Variants in ATXN1 observed in about 807,000 individuals in gnomAD.
ATXN1 encodes ataxin 1.
In ATXN1, 8 loss-of-function variants were observed where a neutral mutation model predicts 56.4. The observed-to-expected ratio is 0.14, with a 90% confidence interval of 0.08 to 0.26. The LOEUF (loss-of-function observed/expected upper bound fraction) is 0.26, where lower values mean the gene tolerates loss of function less well. Among genes scored for constraint, ATXN1 ranks in the 10% least tolerant of loss-of-function variants. The pLI is 1.00. For synonymous variants in ATXN1, 514 were observed against 494.6 expected, an observed-to-expected ratio of 1.04 and a Z score of -0.52; for missense variants, 987 against 1,106.5, an observed-to-expected ratio of 0.89 and a Z score of 1.53.
At chr6:16,442,487 A>T (rs988399974) in intron 6 of ATXN1, among the ~76,000 whole-genome samples, 7 of 151,420 alleles carry the variant, frequency 4.6e-5, no homozygotes, top group Admixed American at 2.0e-4. Flanking sequence ...TATAATGATT[A>T]AAAAAAAACA....
At chr6:16,379,245 T>C (rs1156314798) in intron 6 of ATXN1, among the ~76,000 whole-genome samples, 3 of 152,110 alleles carry the variant, frequency 2.0e-5, no homozygotes, top group Non-Finnish European at 4.4e-5. Context: ...TACAGCGGAC[T>C]TTGGGCACTT....
intron 7 of ATXN1, among the ~76,000 whole-genome samples, chr6:16,317,084 C>A (rs2113391199): frequency 6.6e-6 from 1 of 152,118 alleles, no homozygotes. Flanking sequence ...CTCGTTCTTG[C>A]AGCTGTGTTA....
chr6:16,327,274 T>G lies in ATXN1; in HGVS notation c.1037A>C (p.Lys346Thr). The G allele has an allele frequency of 6.2e-7, 1 of 1,613,384 alleles. No homozygotes were observed. The highest frequency in any genetic ancestry group is 8.5e-7 in the Non-Finnish European group (1 of 1,179,808). ...GTGAGGAACCGACTTGCCGCCTGCC[T>G]TGCCCAGGCCCAGGTCGGCTGAGGA... The part of the protein sequence containing the change: ...APSSADLGLG[K>T]AGGKSVPHPY... Residue 346 changes from lysine (K) to threonine (T), a missense_variant, in exon 7 of 8, where the codon AAG (lysine) becomes ACG (threonine). Physicochemically the swap from Lys to Thr is moderately conservative, Grantham distance 78. This residue lies in a region of ATXN1 where 723 missense variants were observed against 791.7 expected (regional missense o/e 0.91). Coordinates refer to ENST00000436367, the MANE Select transcript of ATXN1 (RefSeq NM_001128164.2).
At chr6:16,746,685 T>C (rs1760547440) in intron 2 of ATXN1, among the ~76,000 whole-genome samples, 1 of 152,162 alleles carries the variant, frequency 6.6e-6, no homozygotes, top group South Asian at 2.1e-4. Flanking sequence ...CTAATATAGA[T>C]GGGGTGATAA....
chr6:16,327,781 T>C lies in ATXN1; in HGVS notation c.530A>G (p.Tyr177Cys), dbSNP rs201684722. 1.2e-4 allele frequency: 201 copies of C among 1,610,022 alleles called. No homozygotes were observed. The highest frequency in any genetic ancestry group is 4.2e-4 in the Admixed American group (25 of 60,020). The change falls in exon 7 of 8, where the codon TAT becomes TGT. Residue 177 changes from tyrosine (Y) to cysteine (C), a missense_variant. Tyr to Cys is a radical substitution (Grantham distance 194). Around this residue, in one of 3 missense-constraint regions of ATXN1, gnomAD observed 723 missense variants for 791.7 expected, o/e 0.91. Coordinates refer to ENST00000436367, the MANE Select transcript of ATXN1 (RefSeq NM_001128164.2). ...TPSQRSQLEA[Y>C]STLLANMGSL... is the part of the protein sequence containing the mutation. ...GCCCATGTTGGCCAGCAGAGTGGAATAGGCCTCCAGCTGGGAGCGCTGGGA... is the reference window on the plus strand; with the variant it reads ...GCCCATGTTGGCCAGCAGAGTGGAACAGGCCTCCAGCTGGGAGCGCTGGGA...
At chr6:16,676,444 C>A (rs758725193) in intron 2 of ATXN1, among the ~76,000 whole-genome samples, 2 of 152,216 alleles carry the variant, frequency 1.3e-5, no homozygotes, top group Non-Finnish European at 2.9e-5. Flanking sequence ...GGTATTAGCA[C>A]TAGTTTCATA....
chr6:16,357,232 T>TTTTTA (rs143751686), intron 6 of ATXN1, among the ~76,000 whole-genome samples: 11 of 147,096 alleles, frequency 7.5e-5, no homozygotes, highest in South Asian at 4.2e-4. Flanking sequence ...ATTTTATTAT[T>TTTTTA]TTTTATTTTA....
intron 6 of ATXN1, among the ~76,000 whole-genome samples, chr6:16,422,061 T>C (rs1759048519): frequency 6.6e-6 from 1 of 152,154 alleles, no homozygotes; most frequent in African/African-American, 2.4e-5. Flanking sequence ...TTTTTTTTAT[T>C]TGCCTCTGTG....
intron 6 of ATXN1, among the ~76,000 whole-genome samples, chr6:16,392,777 T>C (rs891894834): frequency 9.2e-5 from 14 of 152,234 alleles, no homozygotes; most frequent in African/African-American, 3.1e-4. Flanking sequence ...ACTAGAGGCA[T>C]GAGCCATCGC....
intron 4 of ATXN1, among the ~76,000 whole-genome samples, chr6:16,528,729 A>G (rs1761441491): frequency 6.6e-6 from 1 of 152,186 alleles, no homozygotes; most frequent in African/African-American, 2.4e-5. Flanking sequence ...ACAGATGAGG[A>G]AAATAAGGCT....
At chr6:16,563,575 G>T (rs1176862172) in intron 4 of ATXN1, among the ~76,000 whole-genome samples, 2 of 152,218 alleles carry the variant, frequency 1.3e-5, no homozygotes, top group Non-Finnish European at 2.9e-5. Context: ...GGAAAGCAAG[G>T]GGGTCAGGAG....
At chr6:16,468,160 G>T (rs1760143983) in intron 6 of ATXN1, among the ~76,000 whole-genome samples, 2 of 152,028 alleles carry the variant, frequency 1.3e-5, no homozygotes, top group Non-Finnish European at 2.9e-5. Context: ...TTTGGTTTAG[G>T]ACTGGTTTTT....
At chr6:16,500,361 T>C (rs181782172) in intron 5 of ATXN1, among the ~76,000 whole-genome samples, 1 of 152,266 alleles carries the variant, frequency 6.6e-6, no homozygotes, top group African/African-American at 2.4e-5. Flanking sequence ...AACCCCACAG[T>C]CTGTATCATT....
chr6:16,618,100 C>T (rs553052815), intron 3 of ATXN1, among the ~76,000 whole-genome samples: 8 of 151,592 alleles, frequency 5.3e-5, no homozygotes, highest in Non-Finnish European at 1.2e-4. Context: ...AGAATGAGAT[C>T]ATGTCCTTTA....
chr6:16,314,239 C>T (rs1760462936), intron 7 of ATXN1, among the ~76,000 whole-genome samples: 1 of 152,158 alleles, frequency 6.6e-6, no homozygotes, highest in African/African-American at 2.4e-5. Flanking sequence ...AATCTTGTTG[C>T]ACACATCTCA....
At chr6:16,630,562 C>A (rs1763486939) in intron 3 of ATXN1, among the ~76,000 whole-genome samples, 1 of 152,152 alleles carries the variant, frequency 6.6e-6, no homozygotes, top group African/African-American at 2.4e-5. Context: ...AGAGAGCCTC[C>A]TGCAAGTCAT....
At chr6:16,357,321 G>A (rs1761711922) in intron 6 of ATXN1, among the ~76,000 whole-genome samples, 1 of 150,876 alleles carries the variant, frequency 6.6e-6, no homozygotes, top group South Asian at 2.1e-4. Context: ...CCAGGCTGGA[G>A]TGCAGTGGCG....
At chr6:16,726,708 G>T (rs1150631) in intron 2 of ATXN1, among the ~76,000 whole-genome samples, 82,781 of 151,640 alleles carry the variant, frequency 0.55, 22,744 homozygotes, top group East Asian at 0.66. Flanking sequence ...CTACTAAAAA[G>T]ACAAAAAACA....
chr6:16,428,304 C>T (rs928096955), intron 6 of ATXN1, among the ~76,000 whole-genome samples: 5 of 151,566 alleles, frequency 3.3e-5, no homozygotes, highest in Admixed American at 1.3e-4. Flanking sequence ...TTTTTAGTTG[C>T]GACGGGGTTT....
Sources: allele counts gnomAD v4.1 joint callset (sites outside exome capture counted in the v4.1 genomes callset), GRCh38; gene constraint gnomAD v4.1.1; regional missense constraint gnomAD v4.1.1; transcripts MANE v1.5; gene names NCBI Gene and HGNC (gene_info 2026-07-23, HGNC 2026-07-21).